Variants in DPH6 observed in about 807,000 individuals in gnomAD.
The protein encoded by DPH6 is diphthamine biosynthesis 6, also known as diphthine--ammonia ligase.
In DPH6, 33 loss-of-function variants were observed where a neutral mutation model predicts 38.2. That is an observed-to-expected ratio of 0.86 (90% CI 0.65 to 1.15). The LOEUF is 1.15. DPH6 is among the 50% of genes most tolerant of loss of function. The probability of loss-of-function intolerance (pLI) is 0.00; values close to 1 mark genes in which losing one functional copy is unlikely to be tolerated. For missense variants in DPH6, 325 were observed against 320.0 expected (o/e 1.02, Z -0.12); for synonymous variants, 108 against 103.0 (o/e 1.05, Z -0.30).
At chr15:35,359,493 G>A (rs1328812281) in intron 3 of DPH6, among the ~76,000 whole-genome samples, 1 of 152,182 alleles carries the variant, frequency 6.6e-6, no homozygotes, top group Non-Finnish European at 1.5e-5. Context: ...TTGGATCCCT[G>A]TGGTGCCAGG....
intron 3 of DPH6, chr15:35,298,475 GT>G (rs994616216): frequency 1.3e-5 from 10 of 770,922 alleles, no homozygotes; most frequent in African/African-American, 1.2e-4. Context: ...TTCTTCCTTG[GT>G]TTTAACTTCC....
At chr15:35,229,508 A>T (rs986033919) in intron 3 of DPH6, among the ~76,000 whole-genome samples, 3 of 152,140 alleles carry the variant, frequency 2.0e-5, no homozygotes, top group African/African-American at 7.2e-5. Context: ...TCTGTCTGAA[A>T]GGTCACATAT....
downstream of DPH6, among the ~76,000 whole-genome samples, chr15:35,326,433 A>G (rs2052282776): frequency 6.6e-6 from 1 of 150,576 alleles, no homozygotes; most frequent in Non-Finnish European, 1.5e-5. Context: ...TTTAAAATTT[A>G]AAAAGAATTT....
chr15:35,161,253 C>T, the DPH6 span, among the ~76,000 whole-genome samples: 1 of 151,918 alleles, frequency 6.6e-6, no homozygotes, highest in African/African-American at 2.4e-5. Flanking sequence ...ACTTCTTAGT[C>T]TCCTTACTGA....
At chr15:35,408,399 G>A (rs2053322606) in intron 6 of DPH6, among the ~76,000 whole-genome samples, 1 of 151,994 alleles carries the variant, frequency 6.6e-6, no homozygotes, top group Non-Finnish European at 1.5e-5. Context: ...GAATTAAGGT[G>A]ATGACAAAGA....
At chr15:35,496,567 A>AAAAAAAAAAAAAATATATATAT in intron 3 of DPH6, among the ~76,000 whole-genome samples, 2 of 31,014 alleles carry the variant, frequency 6.4e-5, no homozygotes, top group East Asian at 3.0e-3. Context: ...AAAAAAAAAA[A>AAAAAAAAAAAAAATATATATAT]ATATATATAT....
At chr15:35,164,374 A>T in the DPH6 span, among the ~76,000 whole-genome samples, 1 of 151,904 alleles carries the variant, frequency 6.6e-6, no homozygotes, top group Non-Finnish European at 1.5e-5. Flanking sequence ...TATTTCCCCA[A>T]ACACTAATTT....
intron 3 of DPH6, among the ~76,000 whole-genome samples, chr15:35,534,843 G>A (rs532573836): frequency 1.3e-5 from 2 of 152,174 alleles, no homozygotes; most frequent in Non-Finnish European, 2.9e-5. Context: ...GTTTTCTCCC[G>A]TCAAAAGAAT....
At chr15:35,298,060 A>G (rs1296898332) in intron 3 of DPH6, among the ~76,000 whole-genome samples, 1 of 152,030 alleles carries the variant, frequency 6.6e-6, no homozygotes. Context: ...TTTTTTTTGT[A>G]AACGGATTTT....
Position 35,224,180 on chromosome 15 carries a change from C to T in DPH6, n.201-3598G>A, listed in dbSNP as rs2051463309. On this transcript the variant is annotated intron_variant and non_coding_transcript_variant, in intron 3 of 3. Coordinates refer to the DPH6 transcript ENST00000560386. The stretch of plus-strand genomic sequence containing the variant: ...AGAGTGCAGTGGTGTGATCTCAGCT[C>T]ACTGCAACCTCCACCTCCTGGGTTA... 2.9e-5 allele frequency among the ~76,000 whole-genome samples: 4 copies of T among 140,262 alleles called. No individual in the cohort carries two copies. The Admixed American group carries it at 3.2e-4, about 11-fold the overall frequency. 92.0% of individuals were successfully genotyped at this position (140,262 alleles called of 152,430 possible). A position where few individuals can be genotyped will look rare whatever the true frequency, so the allele number is the denominator to read the frequency against.
intron 3 of DPH6, among the ~76,000 whole-genome samples, chr15:35,317,611 G>T (rs779636345): frequency 7.7e-5 from 10 of 130,428 alleles, no homozygotes; most frequent in Non-Finnish European, 1.5e-4. Flanking sequence ...AAGAAAAAAA[G>T]AAGATTCCAA....
chr15:35,264,860 C>T (rs1443601495), intron 3 of DPH6, among the ~76,000 whole-genome samples: 2 of 152,108 alleles, frequency 1.3e-5, no homozygotes, highest in African/African-American at 2.4e-5. Context: ...GGTAGAGTGC[C>T]TAACTCTTTT....
At chr15:35,431,008 T>C (rs1035672381) in intron 5 of DPH6, among the ~76,000 whole-genome samples, 5 of 152,054 alleles carry the variant, frequency 3.3e-5, no homozygotes, top group East Asian at 1.9e-4. Flanking sequence ...TTGAAAACCA[T>C]AGACTTTATT....
chr15:35,524,158 TTAA>T (rs1374658560), intron 3 of DPH6, among the ~76,000 whole-genome samples: 1 of 83,372 alleles, frequency 1.2e-5, no homozygotes, highest in East Asian at 4.7e-4. Flanking sequence ...ATTAACATTT[TTAA>T]AAGATACAAA....
chr15:35,219,791 G>A (rs913820133), exon 4 of DPH6: 23 of 152,136 alleles, frequency 1.5e-4, no homozygotes, highest in African/African-American at 5.1e-4. Flanking sequence ...ACAATGCACT[G>A]CTCAGATTCT....
chr15:35,263,255 A>C (rs2051760614), intron 3 of DPH6, among the ~76,000 whole-genome samples: 1 of 152,162 alleles, frequency 6.6e-6, no homozygotes, highest in South Asian at 2.1e-4. Context: ...ACAACCCTCC[A>C]GTGAGACTTT....
At chr15:35,339,116 G>A (rs527483040) in intron 3 of DPH6, among the ~76,000 whole-genome samples, 1 of 151,920 alleles carries the variant, frequency 6.6e-6, no homozygotes, top group South Asian at 2.1e-4. Flanking sequence ...ACAGCAACAT[G>A]GCACATGCAT....
intron 6 of DPH6, among the ~76,000 whole-genome samples, chr15:35,397,958 A>G (rs1453119747): frequency 1.3e-5 from 2 of 152,008 alleles, no homozygotes; most frequent in Non-Finnish European, 2.9e-5. Flanking sequence ...CAACTCCTAG[A>G]AAAAAGCAAA....
chr15:35,504,024 G>C (rs1470351687), intron 3 of DPH6, among the ~76,000 whole-genome samples: 1 of 151,960 alleles, frequency 6.6e-6, no homozygotes, highest in Non-Finnish European at 1.5e-5. Flanking sequence ...ACCCTTTTTA[G>C]TGTCACTATC....
Sources: allele counts gnomAD v4.1 joint callset (sites outside exome capture counted in the v4.1 genomes callset), GRCh38; gene constraint gnomAD v4.1.1; transcripts MANE v1.5; gene names NCBI Gene and HGNC (gene_info 2026-07-23, HGNC 2026-07-21).